The following GABRG3 variants were observed in gnomAD, a reference collection of about 807,000 sequenced individuals.
GABRG3 encodes gamma-aminobutyric acid receptor subunit gamma-3.
A neutral mutation model predicts 48.8 loss-of-function variants in GABRG3; 25 were observed. That is an observed-to-expected ratio of 0.51 (90% CI 0.37 to 0.72). GABRG3 has a LOEUF of 0.72. Ranked by LOEUF, GABRG3 falls within the 30% of genes least tolerant of loss-of-function variation. The pLI, the probability that GABRG3 is intolerant of heterozygous loss-of-function variation, is 0.00. For missense variants in GABRG3, 394 were observed against 577.9 expected (o/e 0.68, Z 3.26); for synonymous variants, 227 against 217.6 (o/e 1.04, Z -0.38).
intron 3 of GABRG3, among the ~76,000 whole-genome samples, chr15:27,326,370 A>C (rs1893613635): frequency 6.6e-6 from 1 of 152,322 alleles, no homozygotes. Flanking sequence ...CCAGGCACTA[A>C]GGGTGCTCAT....
At chr15:27,518,631 A>G (rs958513380) in intron 6 of GABRG3, among the ~76,000 whole-genome samples, 9 of 152,132 alleles carry the variant, frequency 5.9e-5, no homozygotes, top group Non-Finnish European at 1.2e-4. Flanking sequence ...ATGCTGGGGA[A>G]ATAAAAAGAA....
chr15:27,230,202 G>T (rs1889754455), intron 3 of GABRG3, among the ~76,000 whole-genome samples: 1 of 152,012 alleles, frequency 6.6e-6, no homozygotes, highest in Non-Finnish European at 1.5e-5. Context: ...TCTCAGTTTG[G>T]TTGTAATAAC....
intron 3 of GABRG3, among the ~76,000 whole-genome samples, chr15:27,137,339 A>G (rs1257692339): frequency 3.9e-5 from 6 of 152,208 alleles, no homozygotes; most frequent in Non-Finnish European, 8.8e-5. Flanking sequence ...TGGGTGCCAA[A>G]TGAAGGCTCC....
chr15:26,989,465 A>G (rs1402019991), intron 2 of GABRG3, among the ~76,000 whole-genome samples: 1 of 152,024 alleles, frequency 6.6e-6, no homozygotes, highest in African/African-American at 2.4e-5. Flanking sequence ...TTAGTTTTTG[A>G]CCGATTTTAT....
intron 6 of GABRG3, among the ~76,000 whole-genome samples, chr15:27,482,837 A>G (rs1344710675): frequency 6.6e-6 from 1 of 152,194 alleles, no homozygotes; most frequent in African/African-American, 2.4e-5. Flanking sequence ...CTGCAGGTGC[A>G]TTGCCGAGTC....
At chr15:27,147,457 A>G (rs1486149296) in intron 3 of GABRG3, among the ~76,000 whole-genome samples, 2 of 152,030 alleles carry the variant, frequency 1.3e-5, no homozygotes, top group Non-Finnish European at 2.9e-5. Flanking sequence ...CTCTAAGACA[A>G]CTAGACCTAA....
chr15:27,121,461 A>C (rs560305698), intron 3 of GABRG3, among the ~76,000 whole-genome samples: 1 of 152,184 alleles, frequency 6.6e-6, no homozygotes, highest in East Asian at 1.9e-4. Flanking sequence ...GATGGCACCT[A>C]AGTTATTCAG....
intron 3 of GABRG3, among the ~76,000 whole-genome samples, chr15:27,138,284 T>G (rs1047842272): frequency 6.6e-6 from 1 of 152,192 alleles, no homozygotes; most frequent in African/African-American, 2.4e-5. Flanking sequence ...TTCACACCCC[T>G]CCTGGTAACT....
chr15:27,250,800 C>G (rs886098959), intron 3 of GABRG3, among the ~76,000 whole-genome samples: 1 of 152,106 alleles, frequency 6.6e-6, no homozygotes, highest in African/African-American at 2.4e-5. Context: ...TCAATTAAGT[C>G]GGAGGTGGGA....
intron 5 of GABRG3, among the ~76,000 whole-genome samples, chr15:27,332,253 T>C (rs1893825825): frequency 6.6e-6 from 1 of 152,206 alleles, no homozygotes; most frequent in South Asian, 2.1e-4. Context: ...CAGTGGCTCA[T>C]GCCTGCAATC....
chr15:27,393,352 AAAAAAAAAAAG>A lies in GABRG3; in HGVS notation c.574+64469_574+64479del, dbSNP rs1268018679. ...GAGCGAGACTCCGTCTCCAAAAAAA[AAAAAAAAAAAG>A]AAAAGAAAAGAAAAGAATCAGGACA... On this transcript the variant is annotated intron_variant, in intron 5 of 9. Coordinates refer to ENST00000615808, the MANE Select transcript of GABRG3 (RefSeq NM_033223.5). Among the ~76,000 whole-genome samples, 10 of 149,752 alleles carry A rather than the reference AAAAAAAAAAAG, an allele frequency of 6.7e-5. No individual in the cohort carries two copies. In the South Asian group the frequency reaches 1.1e-3, roughly 17 times the overall value.
chr15:27,344,557 G>A (rs1029247712), intron 5 of GABRG3, among the ~76,000 whole-genome samples: 2 of 152,118 alleles, frequency 1.3e-5, no homozygotes, highest in African/African-American at 4.8e-5. Flanking sequence ...GTAAGGATAT[G>A]TAATTTTTAT....
chr15:27,405,250 A>G (rs745540562), intron 5 of GABRG3, among the ~76,000 whole-genome samples: 3 of 152,246 alleles, frequency 2.0e-5, no homozygotes, highest in Non-Finnish European at 4.4e-5. Flanking sequence ...TATGAATAAA[A>G]TAGAAACATT....
chr15:27,392,525 G>T (rs1887165444), intron 5 of GABRG3, among the ~76,000 whole-genome samples: 1 of 152,172 alleles, frequency 6.6e-6, no homozygotes, highest in Admixed American at 6.5e-5. Flanking sequence ...CACCTTTGAT[G>T]ATAACCTTAA....
intron 3 of GABRG3, among the ~76,000 whole-genome samples, chr15:27,203,388 A>G (rs1260770382): frequency 6.6e-6 from 1 of 152,132 alleles, no homozygotes; most frequent in Admixed American, 6.5e-5. Context: ...ATTCTTTTTT[A>G]TAGCTGCAGG....
Position 27,247,405 on chromosome 15 carries a change from C to T in GABRG3, c.271-79404C>T, listed in dbSNP as rs1046662016. Among the ~76,000 whole-genome samples, 7 of 152,246 alleles carry T rather than the reference C, an allele frequency of 4.6e-5. No individual in the cohort carries two copies. The South Asian group carries it at 1.0e-3, about 23-fold the overall frequency. On this transcript the variant is annotated intron_variant, in intron 3 of 9. Coordinates refer to ENST00000615808, the MANE Select transcript of GABRG3 (RefSeq NM_033223.5). ...TTTTCTCTCCTGGTGCCTCCAAGAA[C>T]AGTCATCTGTTTCCTAGACCTGACC...
intron 3 of GABRG3, among the ~76,000 whole-genome samples, chr15:27,048,401 AC>A (rs1643915590): frequency 6.6e-6 from 1 of 152,134 alleles, no homozygotes; most frequent in Non-Finnish European, 1.5e-5. Context: ...GTGTTCGGAA[AC>A]AGGGAGTTCA....
At chr15:27,390,711 A>T (rs2140576104) in intron 5 of GABRG3, among the ~76,000 whole-genome samples, 1 of 152,320 alleles carries the variant, frequency 6.6e-6, no homozygotes, top group South Asian at 2.1e-4. Flanking sequence ...AAGAGAAATG[A>T]AGAAATTCTA....
chr15:27,289,195 T>G (rs1489943042), intron 3 of GABRG3, among the ~76,000 whole-genome samples: 2 of 152,162 alleles, frequency 1.3e-5, no homozygotes, highest in Non-Finnish European at 2.9e-5. Context: ...AATCTGTAAC[T>G]TTTTTCCTTG....
Sources: gnomAD v4.1 joint callset for allele counts (sites outside exome capture counted in the v4.1 genomes callset) on GRCh38, gnomAD v4.1.1 for gene constraint, MANE v1.5 for transcripts, NCBI Gene and HGNC (gene_info 2026-07-23, HGNC 2026-07-21) for gene names.